GALNT17: variants seen among roughly 807,000 people sequenced by gnomAD.
GALNT17 encodes the protein UDP-GalNAc:polypeptide N-acetylgalactosaminyltransferase-like 3.
A neutral mutation model predicts 63.7 loss-of-function variants in GALNT17; 29 were observed. That is an observed-to-expected ratio of 0.46 (90% confidence interval 0.34 to 0.62). The LOEUF (loss-of-function observed/expected upper bound fraction) is 0.62. Ranked by LOEUF, GALNT17 falls within the 20% of genes least tolerant of loss-of-function variation. GALNT17 has a pLI of 0.01. For missense variants in GALNT17, 603 were observed against 799.6 expected (o/e 0.75, Z 2.97); for synonymous variants, 305 against 318.3 (o/e 0.96, Z 0.45).
At chr7:71,361,972 T>C (rs998273955) in intron 2 of GALNT17, among the ~76,000 whole-genome samples, 1 of 152,126 alleles carries the variant, frequency 6.6e-6, no homozygotes, top group Non-Finnish European at 1.5e-5. Context: ...ATTTTTATTT[T>C]TTGAGATGGA....
At chr7:71,486,078 A>G (rs935523443) in intron 5 of GALNT17, among the ~76,000 whole-genome samples, 3 of 152,122 alleles carry the variant, frequency 2.0e-5, no homozygotes, top group Middle Eastern at 3.2e-3. Context: ...CTATAATCCC[A>G]GCACTTTGGG....
intron 6 of GALNT17, among the ~76,000 whole-genome samples, chr7:71,576,130 G>A (rs2116888326): frequency 6.6e-6 from 1 of 152,254 alleles, no homozygotes; most frequent in Admixed American, 6.5e-5. Flanking sequence ...ACGAAGAAAA[G>A]GCATTCTCTT....
intron 1 of GALNT17, among the ~76,000 whole-genome samples, chr7:71,269,048 G>A (rs945578686): frequency 6.6e-6 from 1 of 152,162 alleles, no homozygotes; most frequent in Non-Finnish European, 1.5e-5. Context: ...TGCCATATCA[G>A]GGATCCCTGT....
In GALNT17 at chr7:71,170,059, C is replaced by T. The variant is rs138590099; in HGVS notation, c.238+37019C>T. 6.3e-3 allele frequency among the ~76,000 whole-genome samples: 959 copies of T among 152,198 alleles called. 6 individuals are homozygous for T. The highest frequency in any genetic ancestry group is 0.022 in the African/African-American group (920 of 41,514). Reference sequence around the variant, plus strand: ...TCAAGTGATCCTTTCACCTCATCCTCCACATAGCTGGGACTACAGATGCCA... The same window carrying T: ...TCAAGTGATCCTTTCACCTCATCCTTCACATAGCTGGGACTACAGATGCCA... On this transcript the variant is annotated intron_variant, in intron 1 of 10. Transcript: ENST00000333538.
chr7:71,522,851 A>G (rs183464792), intron 5 of GALNT17, among the ~76,000 whole-genome samples: 27 of 152,314 alleles, frequency 1.8e-4, no homozygotes, highest in East Asian at 1.5e-3. Flanking sequence ...CAACTAGCCA[A>G]TGGTTCTCAA....
At chr7:71,521,829 A>G (rs1184228930) in intron 5 of GALNT17, among the ~76,000 whole-genome samples, 1 of 152,188 alleles carries the variant, frequency 6.6e-6, no homozygotes, top group Non-Finnish European at 1.5e-5. Flanking sequence ...AAACAGTAAC[A>G]GATGGTCTGT....
intron 5 of GALNT17, among the ~76,000 whole-genome samples, chr7:71,442,826 G>A (rs1787092377): frequency 6.6e-6 from 1 of 152,180 alleles, no homozygotes; most frequent in African/African-American, 2.4e-5. Flanking sequence ...AACAGGCAGT[G>A]TGTGAGACCC....
chr7:71,208,449 C>CTTTTT (rs11341410), intron 1 of GALNT17, among the ~76,000 whole-genome samples: 1 of 113,466 alleles, frequency 8.8e-6, no homozygotes, highest in East Asian at 2.5e-4. Flanking sequence ...TTAATAAATG[C>CTTTTT]TTTTTTTTTT....
intron 6 of GALNT17, among the ~76,000 whole-genome samples, chr7:71,605,947 A>T (rs1054502274): frequency 6.6e-6 from 1 of 151,982 alleles, no homozygotes; most frequent in Non-Finnish European, 1.5e-5. Context: ...CATTTGGTTG[A>T]TTGATTGACT....
chr7:71,372,608 CA>C (rs1327358009), intron 2 of GALNT17, among the ~76,000 whole-genome samples: 2 of 152,188 alleles, frequency 1.3e-5, no homozygotes, highest in African/African-American at 4.8e-5. Flanking sequence ...TGTGCCACCA[CA>C]CCTGGCTAAT....
chr7:71,505,258 A>G (rs747496797), intron 5 of GALNT17, among the ~76,000 whole-genome samples: 29 of 151,926 alleles, frequency 1.9e-4, no homozygotes, highest in South Asian at 6.2e-4. Context: ...TTGGCATCTC[A>G]TATCTTCCCT....
chr7:71,412,841 G>C (rs936852033), intron 3 of GALNT17, among the ~76,000 whole-genome samples: 1 of 152,108 alleles, frequency 6.6e-6, no homozygotes, highest in Non-Finnish European at 1.5e-5. Flanking sequence ...CCAAGAGTTC[G>C]AGACCAGCAG....
At chr7:71,173,792 A>C (rs955515752) in intron 1 of GALNT17, among the ~76,000 whole-genome samples, 3 of 134,786 alleles carry the variant, frequency 2.2e-5, no homozygotes, top group Non-Finnish European at 4.7e-5. Flanking sequence ...TAAATAAATA[A>C]ATAATAAATA....
intron 2 of GALNT17, among the ~76,000 whole-genome samples, chr7:71,363,247 G>T (rs1792440078): frequency 6.6e-6 from 1 of 152,100 alleles, no homozygotes; most frequent in East Asian, 1.9e-4. Flanking sequence ...GATTACAGTC[G>T]TGAGCCACTG....
intron 6 of GALNT17, among the ~76,000 whole-genome samples, chr7:71,586,482 A>G (rs1343415731): frequency 2.0e-5 from 3 of 152,202 alleles, no homozygotes; most frequent in Admixed American, 2.0e-4. Context: ...GCATTCATAT[A>G]AAAGTCTTTT....
At chr7:71,177,155 CAT>C in intron 1 of GALNT17, among the ~76,000 whole-genome samples, 1 of 152,146 alleles carries the variant, frequency 6.6e-6, no homozygotes. Flanking sequence ...CTACTGTCCT[CAT>C]ATGTTCGAGG....
intron 5 of GALNT17, among the ~76,000 whole-genome samples, chr7:71,551,836 T>A (rs1270332579): frequency 6.6e-6 from 1 of 150,732 alleles, no homozygotes; most frequent in African/African-American, 2.4e-5. Context: ...CCGAGGACGG[T>A]GTTACCTGCC....
At chr7:71,527,762 C>G (rs546181934) in intron 5 of GALNT17, among the ~76,000 whole-genome samples, 1 of 152,108 alleles carries the variant, frequency 6.6e-6, no homozygotes, top group South Asian at 2.1e-4. Flanking sequence ...TGTGTGTATG[C>G]GCACGCGTGC....
intron 6 of GALNT17, among the ~76,000 whole-genome samples, chr7:71,603,136 A>ATACTATGCTAAATGCATATACCAGG (rs1789991808): frequency 6.6e-6 from 1 of 151,244 alleles, no homozygotes; most frequent in Non-Finnish European, 1.5e-5. Context: ...CATATACCAG[A>ATACTATGCTAAATGCATATACCAGG]TACTATGCTA....
Sources: allele counts gnomAD v4.1 joint callset (sites outside exome capture counted in the v4.1 genomes callset), GRCh38; gene constraint gnomAD v4.1.1; transcripts MANE v1.5; gene names NCBI Gene and HGNC (gene_info 2026-07-23, HGNC 2026-07-21).